The following LRRTM4 variants were observed in gnomAD, a reference collection of about 807,000 sequenced individuals.
The protein encoded by LRRTM4 is leucine rich repeat transmembrane neuronal 4, also known as leucine-rich repeat transmembrane neuronal protein 4.
Under a neutral mutation model 47.6 loss-of-function variants are expected in LRRTM4, and 25 were observed. The observed-to-expected ratio is 0.53, with a 90% CI of 0.38 to 0.73. The LOEUF (loss-of-function observed/expected upper bound fraction) is 0.73, where lower values mean the gene tolerates loss of function less well. Ranked by LOEUF, LRRTM4 falls within the 30% of genes least tolerant of loss-of-function variation. The pLI is 0.00. For missense variants in LRRTM4, 638 were observed against 713.4 expected (o/e 0.89, Z 1.20); for synonymous variants, 311 against 269.5 (o/e 1.15, Z -1.51).
chr2:76,889,420 T>G (rs1219341755), intron 3 of LRRTM4, among the ~76,000 whole-genome samples: 1 of 151,990 alleles, frequency 6.6e-6, no homozygotes, highest in Non-Finnish European at 1.5e-5. Flanking sequence ...TTGAAATATG[T>G]CTTTCGTTTT....
chr2:76,890,796 G>C (rs190934234), intron 3 of LRRTM4, among the ~76,000 whole-genome samples: 1 of 151,998 alleles, frequency 6.6e-6, no homozygotes, highest in East Asian at 1.9e-4. Context: ...AATTCATACA[G>C]AACTAAAATA....
intron 3 of LRRTM4, among the ~76,000 whole-genome samples, chr2:76,868,178 A>G (rs921334477): frequency 6.6e-6 from 1 of 152,216 alleles, no homozygotes; most frequent in African/African-American, 2.4e-5. Flanking sequence ...ACTTTGTCAG[A>G]CCATAGTAAG....
chr2:76,829,048 C>T (rs1006913413), intron 3 of LRRTM4, among the ~76,000 whole-genome samples: 1 of 151,858 alleles, frequency 6.6e-6, no homozygotes, highest in African/African-American at 2.4e-5. Flanking sequence ...GGGTATGGAA[C>T]CAAGGGAATG....
chr2:77,335,578 T>A (rs1251672478), intron 3 of LRRTM4, among the ~76,000 whole-genome samples: 1 of 152,212 alleles, frequency 6.6e-6, no homozygotes, highest in Non-Finnish European at 1.5e-5. Context: ...ATCCACTTAC[T>A]CTTATCTTTT....
chr2:76,998,802 A>T (rs56314043), intron 3 of LRRTM4, among the ~76,000 whole-genome samples: 1 of 148,842 alleles, frequency 6.7e-6, no homozygotes, highest in Admixed American at 6.7e-5. Context: ...TCAGGCGTAC[A>T]TTGAGATTTC....
intron 3 of LRRTM4, among the ~76,000 whole-genome samples, chr2:76,869,490 A>G (rs1162245887): frequency 6.6e-6 from 1 of 152,116 alleles, no homozygotes; most frequent in African/African-American, 2.4e-5. Context: ...CTTATGGGAC[A>G]TTGTTTGGCT....
At chr2:76,874,946 A>C (rs2104074302) in intron 3 of LRRTM4, among the ~76,000 whole-genome samples, 1 of 152,156 alleles carries the variant, frequency 6.6e-6, no homozygotes, top group Admixed American at 6.6e-5. Flanking sequence ...TAGTAATTTA[A>C]ATTTCTTTAT....
intron 3 of LRRTM4, among the ~76,000 whole-genome samples, chr2:76,837,571 C>G (rs896560624): frequency 6.6e-6 from 1 of 152,062 alleles, no homozygotes; most frequent in Non-Finnish European, 1.5e-5. Flanking sequence ...GAGATTCCAG[C>G]CATCCCATTA....
intron 3 of LRRTM4, among the ~76,000 whole-genome samples, chr2:77,163,204 G>A (rs972532172): frequency 3.9e-5 from 6 of 152,036 alleles, no homozygotes; most frequent in Non-Finnish European, 8.8e-5. Context: ...TAGCCTATTC[G>A]ATCAAGTGGA....
chr2:77,059,309 T>A (rs1001118203), intron 3 of LRRTM4, among the ~76,000 whole-genome samples: 1 of 152,236 alleles, frequency 6.6e-6, no homozygotes, highest in African/African-American at 2.4e-5. Flanking sequence ...TAAACCATTA[T>A]CTTGTCACAG....
At chr2:77,101,064 T>C (rs766608828) in intron 3 of LRRTM4, among the ~76,000 whole-genome samples, 27 of 152,152 alleles carry the variant, frequency 1.8e-4, no homozygotes, top group Middle Eastern at 3.4e-3. Context: ...CTTGATCTCC[T>C]GACCTCGTGA....
chr2:77,391,554 A>G lies in LRRTM4; in HGVS notation c.1551+126764T>C, dbSNP rs376132369. The stretch of plus-strand genomic sequence containing the variant: ...ATAAACCTTTTCAGTATTTAAACAA[A>G]TGATTGGAAGTTATTTACCTCGTAT... On this transcript the variant is annotated intron_variant, in intron 3 of 3. Coordinates refer to ENST00000409884, the MANE Select transcript of LRRTM4 (RefSeq NM_001134745.3). 3.9e-5 allele frequency among the ~76,000 whole-genome samples: 6 copies of G among 152,170 alleles called. No homozygotes were observed. In the East Asian group the frequency reaches 7.8e-4, roughly 20 times the overall value.
rs559580252 is a variant in LRRTM4, at chr2:77,143,101, T to G, written c.1551+375217A>C. 1.4e-4 allele frequency among the ~76,000 whole-genome samples: 21 copies of G among 152,308 alleles called. No individual in the cohort carries two copies. In the South Asian group the frequency reaches 3.9e-3, roughly 29 times the overall value. ...ATGCTTATCTGTATTATGGACTGGA[T>G]TAAAAGTATTACATACATTATTTCT... is the stretch of plus-strand genomic sequence containing the variant. On this transcript the variant is annotated intron_variant, in intron 3 of 3. Transcript: ENST00000409884.
intron 3 of LRRTM4, among the ~76,000 whole-genome samples, chr2:77,144,496 G>C (rs72911869): frequency 0.084 from 12,775 of 152,026 alleles, 1,752 homozygotes; most frequent in African/African-American, 0.28. Flanking sequence ...GGAAACAGAA[G>C]CAGCTATGAA....
At position 76,793,574 on chromosome 2, in the gene LRRTM4, T is replaced by G. The variant is rs1436582751; in HGVS notation, c.1552-44658A>C. ...TATGAGAAGCCCCCTGGTAATAATG[T>G]AGAACTTTCTCCTCTTCACTGTGCT... On this transcript the variant is annotated intron_variant, in intron 3 of 3. Coordinates refer to ENST00000409884, the MANE Select transcript of LRRTM4 (RefSeq NM_001134745.3). Among the ~76,000 whole-genome samples the G allele has an allele frequency of 2.7e-5, 4 of 145,898 alleles. No individual in the cohort carries two copies. The East Asian group carries it at 8.3e-4, about 30-fold the overall frequency.
intron 1 of LRRTM4, 144 bp downstream of exon 1, chr2:77,521,965 C>G (rs1374072459): frequency 1.6e-6 from 1 of 628,010 alleles, no homozygotes; most frequent in African/African-American, 1.9e-5. Flanking sequence ...TGGGGGAGGG[C>G]CTCTAGGCTC....
At chr2:77,065,763 C>G (rs563280112) in intron 3 of LRRTM4, among the ~76,000 whole-genome samples, 4 of 152,096 alleles carry the variant, frequency 2.6e-5, no homozygotes, top group Non-Finnish European at 5.9e-5. Context: ...AGTCTCCCCC[C>G]ATTAGTTAAC....
chr2:76,928,319 T>A (rs956616034), intron 3 of LRRTM4, among the ~76,000 whole-genome samples: 107 of 152,202 alleles, frequency 7.0e-4, no homozygotes, highest in African/African-American at 2.3e-3. Flanking sequence ...GTATCATGTA[T>A]AATTTACTGA....
At chr2:76,812,990 C>A (rs1670790148) in intron 3 of LRRTM4, among the ~76,000 whole-genome samples, 1 of 151,854 alleles carries the variant, frequency 6.6e-6, no homozygotes. Context: ...ATGGTGAAAC[C>A]CTGTCTCTAC....
Sources: gnomAD v4.1 joint callset for allele counts (sites outside exome capture counted in the v4.1 genomes callset) on GRCh38, gnomAD v4.1.1 for gene constraint, MANE v1.5 for transcripts, NCBI Gene and HGNC (gene_info 2026-07-23, HGNC 2026-07-21) for gene names.